PARD3B: variants seen among roughly 807,000 people sequenced by gnomAD.
The protein encoded by PARD3B is par-3 family cell polarity regulator beta.
Under a neutral mutation model 130.2 loss-of-function variants are expected in PARD3B, and 103 were observed. The ratio of observed to expected loss-of-function variants is 0.79; its 90% confidence interval spans 0.67 to 0.93. The LOEUF (loss-of-function observed/expected upper bound fraction) is 0.93, where lower values mean the gene tolerates loss of function less well. PARD3B is among the 40% of genes least tolerant of loss of function. The pLI, the probability that PARD3B is intolerant of heterozygous loss-of-function variation, is 0.00. For missense variants in PARD3B, 1,609 were observed against 1,499.2 expected, an observed-to-expected ratio of 1.07 and a Z score of -1.21; for synonymous variants, 583 against 553.2, an observed-to-expected ratio of 1.05 and a Z score of -0.76.
chr2:204,642,492 C>T (rs2035112170), intron 1 of PARD3B, among the ~76,000 whole-genome samples: 1 of 152,058 alleles, frequency 6.6e-6, no homozygotes, highest in African/African-American at 2.4e-5. Flanking sequence ...ACTTAGAAAA[C>T]TTTTAGAATT....
At chr2:205,009,263 C>T (rs530805197) in intron 3 of PARD3B, among the ~76,000 whole-genome samples, 156 of 152,088 alleles carry the variant, frequency 1.0e-3, no homozygotes, top group South Asian at 1.9e-3. Flanking sequence ...GTGAAAAATT[C>T]CAAGATATTT....
intron 16 of PARD3B, among the ~76,000 whole-genome samples, chr2:205,284,159 T>C (rs1337658810): frequency 6.6e-6 from 1 of 152,178 alleles, no homozygotes; most frequent in Non-Finnish European, 1.5e-5. Context: ...GGAAAAAAAT[T>C]ATTTCACCAA....
chr2:204,683,745 T>G (rs2036949631), intron 1 of PARD3B, among the ~76,000 whole-genome samples: 1 of 152,198 alleles, frequency 6.6e-6, no homozygotes, highest in Admixed American at 6.5e-5. Flanking sequence ...TTCTTTGGAA[T>G]GTATAAAATG....
At chr2:204,848,182 G>A (rs1264920612) in intron 2 of PARD3B, among the ~76,000 whole-genome samples, 1 of 152,098 alleles carries the variant, frequency 6.6e-6, no homozygotes. Flanking sequence ...TCATAGGTGA[G>A]TATGTATAGG....
At chr2:205,508,891 CACTT>C (rs1167281525) in intron 21 of PARD3B, among the ~76,000 whole-genome samples, 2 of 151,520 alleles carry the variant, frequency 1.3e-5, no homozygotes, top group African/African-American at 2.4e-5. Context: ...AGATTTTGCT[CACTT>C]AGATTTCAGC....
At chr2:205,445,442 C>T (rs1427121873) in intron 20 of PARD3B, among the ~76,000 whole-genome samples, 1 of 152,166 alleles carries the variant, frequency 6.6e-6, no homozygotes, top group Non-Finnish European at 1.5e-5. Flanking sequence ...CATCCACAAA[C>T]TTTCAATCGT....
intron 1 of PARD3B, among the ~76,000 whole-genome samples, chr2:204,637,988 G>A (rs557483869): frequency 3.0e-4 from 46 of 152,072 alleles, no homozygotes; most frequent in African/African-American, 7.7e-4. Context: ...ACTTTCTTAC[G>A]GCATTATCCC....
chr2:204,953,467 A>AGAGAGAGG (rs1689984659), intron 2 of PARD3B, among the ~76,000 whole-genome samples: 1 of 138,372 alleles, frequency 7.2e-6, no homozygotes, highest in Non-Finnish European at 1.6e-5. Context: ...AGAGAGAGAG[A>AGAGAGAGG]AGGCTGGAGG....
At chr2:205,614,539 C>T (rs1448909844) in intron 22 of PARD3B, among the ~76,000 whole-genome samples, 1 of 149,954 alleles carries the variant, frequency 6.7e-6, no homozygotes, top group East Asian at 2.0e-4. Context: ...CCCATCTCTA[C>T]AAAAAAAAAT....
chr2:205,410,211 C>T (rs1185987515), intron 19 of PARD3B, among the ~76,000 whole-genome samples: 1 of 152,120 alleles, frequency 6.6e-6, no homozygotes, highest in African/African-American at 2.4e-5. Context: ...CTTTGAGTGT[C>T]ATGTCAGCCC....
chr2:204,971,940 G>A (rs988774404), intron 3 of PARD3B, among the ~76,000 whole-genome samples: 1 of 150,954 alleles, frequency 6.6e-6, no homozygotes, highest in Non-Finnish European at 1.5e-5. Context: ...CAAAGCATGA[G>A]CCACCACGCC....
intron 4 of PARD3B, among the ~76,000 whole-genome samples, chr2:205,052,614 CA>C (rs1016869324): frequency 1.3e-5 from 2 of 151,026 alleles, no homozygotes; most frequent in East Asian, 3.9e-4. Context: ...AAAAGAATAA[CA>C]AAAAATCAAC....
intron 20 of PARD3B, among the ~76,000 whole-genome samples, chr2:205,485,801 C>T (rs2049416685): frequency 6.6e-6 from 1 of 152,158 alleles, no homozygotes; most frequent in South Asian, 2.1e-4. Context: ...GTGTTCCTTC[C>T]AGCTGGCATG....
At chr2:204,716,266 T>C (rs2038719426) in intron 2 of PARD3B, among the ~76,000 whole-genome samples, 1 of 152,052 alleles carries the variant, frequency 6.6e-6, no homozygotes, top group African/African-American at 2.4e-5. Flanking sequence ...CTACTCAGAG[T>C]GTGGGCCACA....
Position 205,440,420 on chromosome 2 carries a change from T to C in PARD3B, c.2792T>C (p.Leu931Pro). ...AGGGAAAAGCAGGCAAGAGGTCTTC[T>C]TGATTATGCTACTGGTGCAATTGGA... ...ELREKQARGL[L>P]DYATGAIGSV... Residue 931 changes from leucine (L) to proline (P), a missense_variant, in exon 20 of 23, where the codon CTT becomes CCT. Coordinates refer to ENST00000406610, the MANE Select transcript of PARD3B (RefSeq NM_001302769.2). This position sits in a 1 kb window ranked among gnomAD's most constrained non-coding sequence, Gnocchi z 4.2. The C allele has an allele frequency of 8.1e-6, 13 of 1,614,104 alleles. No individual in the cohort carries two copies. The highest frequency in any genetic ancestry group is 1.0e-5 in the Non-Finnish European group (12 of 1,179,976).
intron 2 of PARD3B, among the ~76,000 whole-genome samples, chr2:204,706,587 G>A (rs2038171762): frequency 6.6e-6 from 1 of 152,114 alleles, no homozygotes; most frequent in African/African-American, 2.4e-5. Context: ...AGAAAAATAA[G>A]TCGAGTTGGA....
chr2:205,520,732 C>A (rs1012327721), intron 21 of PARD3B, among the ~76,000 whole-genome samples: 19 of 152,008 alleles, frequency 1.2e-4, no homozygotes, highest in African/African-American at 4.3e-4. Flanking sequence ...AAATTGGGAA[C>A]CTTCTGAATA....
intron 1 of PARD3B, among the ~76,000 whole-genome samples, chr2:204,577,207 G>A (rs2032307731): frequency 6.6e-6 from 1 of 152,134 alleles, no homozygotes; most frequent in Non-Finnish European, 1.5e-5. Flanking sequence ...GAGGAACCTT[G>A]GGCATAGAAA....
intron 20 of PARD3B, among the ~76,000 whole-genome samples, chr2:205,489,802 C>T (rs1392347313): frequency 6.6e-6 from 1 of 151,964 alleles, no homozygotes; most frequent in African/African-American, 2.4e-5. Flanking sequence ...TTTTGAGTTA[C>T]ACTGTCGGGG....
Sources: gnomAD v4.1 joint callset for allele counts (sites outside exome capture counted in the v4.1 genomes callset) on GRCh38, gnomAD v4.1.1 for gene constraint, Gnocchi (gnomAD v3.1) non-coding constraint, MANE v1.5 for transcripts, NCBI Gene and HGNC (gene_info 2026-07-23, HGNC 2026-07-21) for gene names.